The following GAK variants were observed in gnomAD, a reference collection of about 807,000 sequenced individuals.
GAK encodes the protein cyclin G associated kinase.
A neutral mutation model predicts 143.9 loss-of-function variants in GAK; 79 were observed. The ratio of observed to expected loss-of-function variants is 0.55; its 90% CI spans 0.46 to 0.66. The LOEUF (loss-of-function observed/expected upper bound fraction) is 0.66, where lower values mean the gene tolerates loss of function less well. Ranked by LOEUF, GAK falls within the 30% of genes least tolerant of loss-of-function variation. The pLI is 0.00. For synonymous variants in GAK, 881 were observed against 765.5 expected, an observed-to-expected ratio of 1.15 and a Z score of -2.49; for missense variants, 1,693 against 1,779.7, an observed-to-expected ratio of 0.95 and a Z score of 0.88.
rs1371788329 is a variant in GAK, at chr4:890,671, G to A, written c.991-49C>T. ...TCAGTTCTCTAAACTGACAACTCACGCCTGCCCACGTCGGGCAGAGGTACG... is the reference window on the plus strand; with the variant it reads ...TCAGTTCTCTAAACTGACAACTCACACCTGCCCACGTCGGGCAGAGGTACG... On this transcript the variant is annotated intron_variant, in intron 9 of 27. Coordinates refer to ENST00000314167, the MANE Select transcript of GAK (RefSeq NM_005255.4). 8 of 1,502,612 alleles carry A rather than the reference G, an allele frequency of 5.3e-6. No homozygotes were observed. The Admixed American group carries it at 5.7e-5, about 11-fold the overall frequency. 93.1% of individuals were successfully genotyped at this position (1,502,612 alleles called of 1,614,324 possible).
At chr4:869,066 T>C (rs1439407258) in intron 19 of GAK, 1 of 231,594 alleles carries the variant, frequency 4.3e-6, no homozygotes, top group Non-Finnish European at 8.5e-6. Context: ...CACACACAGA[T>C]GCAGGGTACA....
chr4:876,675 A>G, intron 17 of GAK, 66 bp from the exon 18 acceptor site: 1 of 1,386,182 alleles, frequency 7.2e-7, no homozygotes, highest in Non-Finnish European at 1.0e-6. Flanking sequence ...CCACAGGCCA[A>G]TTTTTCCCAA....
intron 9 of GAK, 65 bp downstream of exon 9, chr4:893,312 C>A (rs114473843): frequency 0.035 from 41,459 of 1,178,506 alleles, 1,058 homozygotes; most frequent in East Asian, 0.13. Flanking sequence ...TGCGGGGGAT[C>A]TGGGGCTCAT....
intron 1 of GAK, among the ~76,000 whole-genome samples, chr4:930,084 G>A: frequency 6.6e-6 from 1 of 152,164 alleles, no homozygotes. Flanking sequence ...GTACTCAAGG[G>A]TTCAGATTAC....
At chr4:895,245 C>T (rs2152869747) in intron 7 of GAK, among the ~76,000 whole-genome samples, 1 of 152,352 alleles carries the variant, frequency 6.6e-6, no homozygotes, top group South Asian at 2.1e-4. Context: ...TTTCGCAGAA[C>T]TGGCCTTGAA....
At chr4:868,926 C>G (rs1711678984) in intron 19 of GAK, 1 of 523,760 alleles carries the variant, frequency 1.9e-6, no homozygotes, top group Non-Finnish European at 3.5e-6. Context: ...CATGAACACG[C>G]ACAAGGAACC....
At chr4:871,943 AT>A (rs1712726056) in intron 18 of GAK, among the ~76,000 whole-genome samples, 1 of 152,186 alleles carries the variant, frequency 6.6e-6, no homozygotes, top group African/African-American at 2.4e-5. Context: ...AAATCTCTAC[AT>A]GTTGAATGTT....
intron 10 of GAK, among the ~76,000 whole-genome samples, chr4:889,836 T>C (rs1717295443): frequency 6.6e-6 from 1 of 152,306 alleles, no homozygotes; most frequent in African/African-American, 2.4e-5. Flanking sequence ...TCCAAGAGCA[T>C]GCAGCGTCTG....
intron 23 of GAK, among the ~76,000 whole-genome samples, chr4:860,820 C>CT (rs1208648428): frequency 6.6e-6 from 1 of 152,334 alleles, no homozygotes; most frequent in African/African-American, 2.4e-5. Context: ...CACCCAGGCC[C>CT]TGGCACATCG....
chr4:885,796 G>A (rs920897525), intron 11 of GAK: 9 of 151,856 alleles, frequency 5.9e-5, no homozygotes, highest in Admixed American at 5.2e-4. Flanking sequence ...TTGAGGCAGG[G>A]TCTTGCTCAC....
intron 24 of GAK, among the ~76,000 whole-genome samples, chr4:858,614 A>ATGTTACTATG (rs1749707736): frequency 1.3e-5 from 2 of 152,228 alleles, no homozygotes; most frequent in South Asian, 4.1e-4. Context: ...TAAATCCCCA[A>ATGTTACTATG]AACCACCTGA....
At chr4:867,833 G>A (rs1435270690) in intron 20 of GAK, among the ~76,000 whole-genome samples, 1 of 152,192 alleles carries the variant, frequency 6.6e-6, no homozygotes, top group African/African-American at 2.4e-5. Context: ...CTGGGCGGGC[G>A]GTGGGGTGTT....
chr4:908,186 G>A (rs1417963267), intron 4 of GAK, among the ~76,000 whole-genome samples: 1 of 152,160 alleles, frequency 6.6e-6, no homozygotes. Context: ...AGACCCACAG[G>A]AAGCCCCGTC....
rs531202513 is a variant in GAK at position 862,682 on chromosome 4, T to C, written c.3166+2440A>G. Among the ~76,000 whole-genome samples the C allele has an allele frequency of 1.3e-4, 20 of 151,666 alleles. No homozygotes were observed. The East Asian group carries it at 3.9e-3, about 29-fold the overall frequency. The stretch of plus-strand genomic sequence containing the variant: ...CAAAAAAAAAAAAAAGGATTCTAAA[T>C]TGACTCGGCTTGTGCCATAGAAATG... On this transcript the variant is annotated intron_variant, in intron 23 of 27. Coordinates refer to ENST00000314167, the MANE Select transcript of GAK (RefSeq NM_005255.4).
chr4:926,578 A>C (rs1336374302), intron 1 of GAK, among the ~76,000 whole-genome samples: 2 of 152,192 alleles, frequency 1.3e-5, no homozygotes, highest in African/African-American at 2.4e-5. Context: ...AGTACTACTG[A>C]CCATGCTCGG....
chr4:913,860 C>T (rs1453000606), intron 1 of GAK, 192 bp from the exon 2 acceptor site: 5 of 547,826 alleles, frequency 9.1e-6, no homozygotes, highest in African/African-American at 2.0e-5. Flanking sequence ...ACACACACAG[C>T]CCCAGCGTGC....
At chr4:849,833 G>GGGGCGGGC in intron 27 of GAK, 59 bp from the exon 28 acceptor site, 1 of 1,190,154 alleles carries the variant, frequency 8.4e-7, no homozygotes, top group Non-Finnish European at 1.2e-6. Flanking sequence ...GGCGGGGCAG[G>GGGGCGGGC]ACCCCCCCCC....
In GAK at chr4:877,648, A is replaced by G; in HGVS notation, c.1823T>C (p.Val608Ala). The G allele has an allele frequency of 6.2e-7, 1 of 1,603,314 alleles. No individual in the cohort carries two copies. The highest frequency in any genetic ancestry group is 8.5e-7 in the Non-Finnish European group (1 of 1,174,168). The change falls in exon 16 of 28, where the codon GTG (valine) becomes GCG (alanine). Residue 608 changes from valine (V) to alanine (A), a missense_variant. Physicochemically the swap from Val to Ala is moderately conservative, Grantham distance 64. This residue lies in a region of GAK where 871 missense variants were observed against 991.0 expected (regional missense o/e 0.88). Coordinates refer to ENST00000314167, the MANE Select transcript of GAK (RefSeq NM_005255.4). ...FCEVYVGDER[V>A]ASTSQEYDKM... ...GTCGTACTCCTGGGAGGTGCTGGCC[A>G]CACGCTCGTCCCCCACGTAGACCTC...
chr4:856,219 G>C (rs1021497645), intron 24 of GAK, among the ~76,000 whole-genome samples: 1 of 133,816 alleles, frequency 7.5e-6, no homozygotes. Flanking sequence ...GCTCACCACA[G>C]CTGCTCACCA....
Sources: allele counts gnomAD v4.1 joint callset (sites outside exome capture counted in the v4.1 genomes callset), GRCh38; gene constraint gnomAD v4.1.1; regional missense constraint gnomAD v4.1.1; transcripts MANE v1.5; gene names NCBI Gene and HGNC (gene_info 2026-07-23, HGNC 2026-07-21).